The following MFSD8 variants were observed in gnomAD, a reference collection of about 807,000 sequenced individuals.
MFSD8 encodes the protein major facilitator superfamily domain-containing protein 8.
In MFSD8, 55 loss-of-function variants were observed where a neutral mutation model predicts 66.4. That is an observed-to-expected ratio of 0.83 (90% CI 0.67 to 1.04). The LOEUF (loss-of-function observed/expected upper bound fraction) is 1.04, where lower values mean the gene tolerates loss of function less well. Ranked by LOEUF, MFSD8 falls within the 50% of genes least tolerant of loss-of-function variation. The pLI, the probability that MFSD8 is intolerant of heterozygous loss-of-function variation, is 0.00. For synonymous variants in MFSD8, 202 were observed against 212.8 expected (o/e 0.95, Z 0.44); for missense variants, 550 against 627.6 (o/e 0.88, Z 1.32).
chr4:127,957,408 T>A (rs1743069139), intron 2 of MFSD8, 93 bp downstream of exon 2: 2 of 938,966 alleles, frequency 2.1e-6, no homozygotes, highest in Non-Finnish European at 3.4e-6. Context: ...ACAATAAAGA[T>A]AATTTCAGAG....
At chr4:127,961,454 C>G (rs563623687) in intron 1 of MFSD8, among the ~76,000 whole-genome samples, 2 of 151,966 alleles carry the variant, frequency 1.3e-5, no homozygotes, top group African/African-American at 4.8e-5. Flanking sequence ...ACCAGAAGAC[C>G]ACATTTAAAC....
rs556875684 is a variant in MFSD8, at chr4:127,930,746, A to G, written c.935T>C (p.Ile312Thr). Residue 312 changes from isoleucine (I) to threonine (T), a missense_variant, in exon 9 of 12, where the codon ATA becomes ACA. Coordinates refer to ENST00000641686, the MANE Select transcript of MFSD8 (RefSeq NM_001371596.2). ...GGCTTCAACCCCAAGAGCAGCAAGT[A>G]TTATGCCATTATATAACACAGCTTG... ...QEQAVLYNGI[I>T]LAALGVEAVV... 26 of 1,613,710 alleles carry G rather than the reference A, an allele frequency of 1.6e-5. No homozygotes were observed. In the South Asian group the frequency reaches 2.9e-4, roughly 18 times the overall value.
Position 127,920,479 on chromosome 4 carries a change from T to A in MFSD8, c.*151A>T, listed in dbSNP as rs1478586628. On this transcript the variant is annotated 3_prime_UTR_variant, in exon 12 of 12. Coordinates refer to ENST00000641686, the MANE Select transcript of MFSD8 (RefSeq NM_001371596.2). ...TACTATTCACAATGACATGTAGAATTCTCTCTGTTATTCAACATATGTTCT... is the reference window on the plus strand; with the variant it reads ...TACTATTCACAATGACATGTAGAATACTCTCTGTTATTCAACATATGTTCT... 2.7e-6 allele frequency: 2 copies of A among 753,480 alleles called. No homozygotes were observed. Among genetic ancestry groups the A allele is most frequent in the East Asian group, 5.1e-5 (2 of 38,988 alleles). The allele number at this position is 753,480 out of a possible 1,614,324, so 46.7% of individuals were successfully genotyped here. A position where few individuals can be genotyped will look rare whatever the true frequency, so the allele number is the denominator to read the frequency against.
rs751274078 is a variant in MFSD8, at chr4:127,943,877, T to C, written c.314A>G (p.Glu105Gly). The C allele has an allele frequency of 6.2e-7, 1 of 1,614,178 alleles. No individual in the cohort carries two copies. The highest frequency in any genetic ancestry group is 8.5e-7 in the Non-Finnish European group (1 of 1,180,038). The change falls in exon 4 of 12, where the codon GAG (glutamate) becomes GGG (glycine). Residue 105 changes from glutamate to glycine, a missense_variant. Transcript: ENST00000641686. ...AATCAAGATGGAGACAATAAGAGGC[T>C]CTTTTCTTGGTCTATAATTAGACCA... ...GLWSNYRPRK[E>G]PLIVSILISV...
At position 127,939,985 on chromosome 4, in the gene MFSD8, C is replaced by T. The variant is rs1355954321; in HGVS notation, c.566G>A (p.Cys189Tyr). 16 of 1,612,832 alleles carry T rather than the reference C, an allele frequency of 9.9e-6. No homozygotes were observed. The highest frequency in any genetic ancestry group is 1.3e-5 in the African/African-American group (1 of 74,854). The change falls in exon 6 of 12, where the codon TGT (cysteine) becomes TAT (tyrosine). Residue 189 changes from cysteine (C) to tyrosine (Y), a missense_variant. By Grantham distance (194) the Cys-to-Tyr change is radical. Transcript: ENST00000641686. ...GFILGPVFQTCFTFLGEKGVT... is the reference protein window; with the variant it reads ...GFILGPVFQTYFTFLGEKGVT... Reference sequence around the variant, plus strand: ...ACCTTTTTCTCCAAGGAATGTAAAACAAGTCTGAAAAACTTATTAAGATAA... The same window carrying T: ...ACCTTTTTCTCCAAGGAATGTAAAATAAGTCTGAAAAACTTATTAAGATAA...
intron 1 of MFSD8, among the ~76,000 whole-genome samples, 196 bp from the exon 2 acceptor site, chr4:127,957,788 G>A (rs773956947): frequency 1.4e-4 from 21 of 152,026 alleles, no homozygotes; most frequent in African/African-American, 1.7e-4. Context: ...ATGCATTATT[G>A]TATACAGAAA....
At chr4:127,932,766 T>C (rs113812264) in intron 8 of MFSD8, 11 of 431,286 alleles carry the variant, frequency 2.6e-5, no homozygotes, top group South Asian at 1.1e-4. Context: ...AAACAGATTC[T>C]TTTATAAGAA....
At chr4:127,959,471 T>C (rs1003008451) in intron 1 of MFSD8, among the ~76,000 whole-genome samples, 3 of 152,242 alleles carry the variant, frequency 2.0e-5, no homozygotes, top group African/African-American at 7.2e-5. Context: ...ATGTATTGCA[T>C]GATATTCTTG....
intron 5 of MFSD8, among the ~76,000 whole-genome samples, chr4:127,940,354 T>TAC (rs1200392040): frequency 3.3e-5 from 5 of 151,956 alleles, no homozygotes; most frequent in African/African-American, 4.8e-5. Flanking sequence ...CACAAGGAAT[T>TAC]GTATCTTACA....
At chr4:127,930,550 T>C in intron 9 of MFSD8, 133 bp downstream of exon 9, 1 of 996,222 alleles carries the variant, frequency 1.0e-6, no homozygotes, top group Non-Finnish European at 1.5e-6. Flanking sequence ...TATGATAATC[T>C]CTTAATAAAT....
rs1261910972 is a variant in MFSD8, at chr4:127,919,862, T to C, written c.*768A>G. On this transcript the variant is annotated 3_prime_UTR_variant, in exon 12 of 12. Transcript: ENST00000641686. Reference sequence around the variant, plus strand: ...ATATATATATATAAAATAACACATATCTGGATTATGTTTCTAATGTGAATT... The same window carrying C: ...ATATATATATATAAAATAACACATACCTGGATTATGTTTCTAATGTGAATT... The C allele has an allele frequency of 6.6e-6, 1 of 152,172 alleles. No homozygotes were observed. The highest frequency in any genetic ancestry group is 1.5e-5 in the Non-Finnish European group (1 of 68,042). 9.4% of individuals were successfully genotyped at this position (152,172 alleles called of 1,614,324 possible).
At chr4:127,932,073 T>C (rs1738235220) in intron 8 of MFSD8, among the ~76,000 whole-genome samples, 1 of 152,182 alleles carries the variant, frequency 6.6e-6, no homozygotes, top group Non-Finnish European at 1.5e-5. Flanking sequence ...ATTGCACCAC[T>C]GCACTCCAGC....
rs1736001607 is a variant in MFSD8, at chr4:127,917,904, C to T, written c.*2726G>A. 1 of 152,070 alleles carries T rather than the reference C, an allele frequency of 6.6e-6. No individual in the cohort carries two copies. The highest frequency in any genetic ancestry group is 2.1e-4 in the South Asian group (1 of 4,824). The allele number at this position is 152,070 out of a possible 1,614,324, so 9.4% of individuals were successfully genotyped here. On this transcript the variant is annotated 3_prime_UTR_variant, in exon 12 of 12. Coordinates refer to ENST00000641686, the MANE Select transcript of MFSD8 (RefSeq NM_001371596.2). ...GTCTTCAATGGTCAAAAATGGTGCCCAGAATTTCTTCTCAAAATAAGTTAA... is the reference window on the plus strand; with the variant it reads ...GTCTTCAATGGTCAAAAATGGTGCCTAGAATTTCTTCTCAAAATAAGTTAA...
At chr4:127,948,695 A>T (rs563726473) in intron 3 of MFSD8, among the ~76,000 whole-genome samples, 1 of 152,274 alleles carries the variant, frequency 6.6e-6, no homozygotes, top group Non-Finnish European at 1.5e-5. Flanking sequence ...GAATCCATTT[A>T]TGTATTAATG....
At chr4:127,947,071 A>ACCCAAATTGTTGTGAGG (rs1298995398) in intron 3 of MFSD8, among the ~76,000 whole-genome samples, 5 of 151,970 alleles carry the variant, frequency 3.3e-5, no homozygotes, top group African/African-American at 4.8e-5. Flanking sequence ...AAAGCTTCTG[A>ACCCAAATTGTTGTGAGG]CCCAAATTGT....
At chr4:127,940,536 AT>A (rs1050927282) in intron 5 of MFSD8, among the ~76,000 whole-genome samples, 11 of 144,708 alleles carry the variant, frequency 7.6e-5, no homozygotes, top group Non-Finnish European at 1.5e-4. Context: ...ATATATATAT[AT>A]ATGTGTGTGT....
intron 2 of MFSD8, among the ~76,000 whole-genome samples, chr4:127,955,869 A>T (rs192727929): frequency 4.9e-4 from 75 of 152,326 alleles, no homozygotes; most frequent in Non-Finnish European, 8.5e-4. Flanking sequence ...CTGTAATCCC[A>T]GCACTTTGGG....
chr4:127,938,170 T>C (rs983674878), intron 7 of MFSD8, among the ~76,000 whole-genome samples: 2 of 152,190 alleles, frequency 1.3e-5, no homozygotes, highest in East Asian at 1.9e-4. Flanking sequence ...AGTAAAGATA[T>C]GGAAATCATT....
intron 2 of MFSD8, among the ~76,000 whole-genome samples, chr4:127,950,903 A>T (rs907775011): frequency 6.6e-6 from 1 of 151,420 alleles, no homozygotes; most frequent in African/African-American, 2.4e-5. Context: ...CAAAAAAAAA[A>T]TACAAAAATT....
Sources: allele counts gnomAD v4.1 joint callset (sites outside exome capture counted in the v4.1 genomes callset), GRCh38; gene constraint gnomAD v4.1.1; transcripts MANE v1.5; gene names NCBI Gene and HGNC (gene_info 2026-07-23, HGNC 2026-07-21).